Variants in DIAPH1 observed in about 807,000 individuals in gnomAD.
DIAPH1 encodes protein diaphanous homolog 1.
In DIAPH1, 46 loss-of-function variants were observed where a neutral mutation model predicts 140.7. The observed-to-expected ratio is 0.33, with a 90% CI of 0.26 to 0.42. The LOEUF (loss-of-function observed/expected upper bound fraction) is 0.42, where lower values mean the gene tolerates loss of function less well. Among genes scored for constraint, DIAPH1 ranks in the 10% least tolerant of loss-of-function variants. DIAPH1 has a pLI of 1.00. For synonymous variants in DIAPH1, 565 were observed against 551.6 expected, an observed-to-expected ratio of 1.02 and a Z score of -0.34; for missense variants, 1,310 against 1,558.7, an observed-to-expected ratio of 0.84 and a Z score of 2.69.
chr5:141,588,483 A>AG (rs1020764106), intron 1 of DIAPH1, among the ~76,000 whole-genome samples: 6 of 152,212 alleles, frequency 3.9e-5, no homozygotes, highest in Admixed American at 2.6e-4. Context: ...GAAAAAAAAA[A>AG]AAAAAAAGAA....
At chr5:141,557,607 A>G (rs895190666) in intron 18 of DIAPH1, 1 of 152,034 alleles carries the variant, frequency 6.6e-6, no homozygotes, top group Non-Finnish European at 1.5e-5. Context: ...TCCTATAATT[A>G]AGAAAACTGC....
intron 18 of DIAPH1, among the ~76,000 whole-genome samples, chr5:141,546,108 C>G (rs1490177445): frequency 2.0e-5 from 3 of 152,196 alleles, no homozygotes; most frequent in Non-Finnish European, 4.4e-5. Flanking sequence ...TGGGGCCGGG[C>G]ACAGTGGCTC....
rs1174667131 is a variant in DIAPH1 at position 141,528,541 on chromosome 5, TAAC to T, written c.3057_3059del (p.Leu1020del). 4 of 1,614,082 alleles carry T rather than the reference TAAC, an allele frequency of 2.5e-6. No individual in the cohort carries two copies. Among genetic ancestry groups the T allele is most frequent in the African/African-American group, 2.7e-5 (2 of 74,926 alleles). On this transcript the variant is annotated inframe_deletion, in exon 23 of 28. Coordinates refer to ENST00000389054, the MANE Select transcript of DIAPH1 (RefSeq NM_005219.5). ...TCTCACACAACTCAGCCAAGAAGTG[TAAC>T]AACGTCATCTTCTGATCTGTGGACT...
chr5:141,582,084 AAAAGAG>A, intron 7 of DIAPH1: 1 of 412,802 alleles, frequency 2.4e-6, no homozygotes, highest in East Asian at 4.4e-5. Context: ...AAAAAAAAAA[AAAAGAG>A]AGAGAAACAA....
At chr5:141,618,740 C>T (rs2099903119) in intron 1 of DIAPH1, 58 bp downstream of exon 1, 6 of 1,279,062 alleles carry the variant, frequency 4.7e-6, no homozygotes, top group Non-Finnish European at 6.6e-6. Context: ...GGGCCGGCTG[C>T]AGGGGTCCAG....
At chr5:141,523,991 C>A in intron 27 of DIAPH1, 152 bp downstream of exon 27, 1 of 749,190 alleles carries the variant, frequency 1.3e-6, no homozygotes, top group Non-Finnish European at 2.4e-6. Context: ...TACTCTGTAA[C>A]ATGGGAAGAA....
intron 18 of DIAPH1, among the ~76,000 whole-genome samples, chr5:141,554,780 T>A (rs1488403885): frequency 2.0e-5 from 3 of 152,108 alleles, no homozygotes; most frequent in African/African-American, 7.2e-5. Context: ...CAATTACAGA[T>A]TAAAGTAGAA....
At chr5:141,529,042 A>G in intron 21 of DIAPH1, 101 bp from the exon 22 acceptor site, 1 of 1,586,478 alleles carries the variant, frequency 6.3e-7, no homozygotes, top group East Asian at 2.2e-5. Flanking sequence ...GCTCCAGAGC[A>G]GGGAGAAGAG....
chr5:141,599,157 G>A lies in DIAPH1; in HGVS notation c.118-10907C>T, dbSNP rs374035100. On this transcript the variant is annotated intron_variant, in intron 1 of 27. Transcript: ENST00000389054. ...GTAGTTCTTAGCAGCAGAGAGGTTA[G>A]CAGGGATCTAAAAAGAGAGTATGAC... Among the ~76,000 whole-genome samples the A allele has an allele frequency of 1.1e-4, 17 of 152,318 alleles. No homozygotes were observed. In the East Asian group the frequency reaches 3.3e-3, roughly 29 times the overall value.
At chr5:141,551,544 G>C (rs184572912) in intron 18 of DIAPH1, among the ~76,000 whole-genome samples, 1 of 152,182 alleles carries the variant, frequency 6.6e-6, no homozygotes, top group Admixed American at 6.5e-5. Context: ...AGAGAGAAAA[G>C]GGTAAGACAA....
At chr5:141,596,948 A>G (rs978921449) in intron 1 of DIAPH1, among the ~76,000 whole-genome samples, 1 of 152,230 alleles carries the variant, frequency 6.6e-6, no homozygotes, top group Non-Finnish European at 1.5e-5. Flanking sequence ...ACAAACATTC[A>G]GAGGAAAAAG....
At position 141,576,205 on chromosome 5, in the gene DIAPH1, CAT is replaced by C. The variant is rs781653616; in HGVS notation, c.1461+23_1461+24del. On this transcript the variant is annotated intron_variant, in intron 14 of 27. Transcript: ENST00000389054. ...TCTCAAAGAAAGATATACTCAAACACATGTCTTTGGTCTCTCATATGCACCTT... is the reference window on the plus strand; with the variant it reads ...TCTCAAAGAAAGATATACTCAAACACGTCTTTGGTCTCTCATATGCACCTT... The C allele has an allele frequency of 1.3e-5, 20 of 1,540,050 alleles. No homozygotes were observed. In the African/African-American group the frequency reaches 1.6e-4, roughly 13 times the overall value.
chr5:141,561,315 T>C (rs895537550), intron 18 of DIAPH1, among the ~76,000 whole-genome samples: 2 of 151,976 alleles, frequency 1.3e-5, no homozygotes, highest in Non-Finnish European at 2.9e-5. Context: ...CCTTCTGTTA[T>C]ATCACTGGGG....
intron 1 of DIAPH1, among the ~76,000 whole-genome samples, chr5:141,602,190 T>C (rs1054139351): frequency 2.0e-5 from 3 of 152,136 alleles, no homozygotes; most frequent in African/African-American, 4.8e-5. Flanking sequence ...TCAGTTACCA[T>C]TGAGGCCTGA....
At chr5:141,562,372 C>T (rs2099893690) in intron 18 of DIAPH1, among the ~76,000 whole-genome samples, 1 of 151,878 alleles carries the variant, frequency 6.6e-6, no homozygotes, top group Admixed American at 6.5e-5. Flanking sequence ...GATATAGAAG[C>T]AAGGTATAGA....
At chr5:141,596,555 C>T (rs2154596975) in intron 1 of DIAPH1, among the ~76,000 whole-genome samples, 1 of 152,150 alleles carries the variant, frequency 6.6e-6, no homozygotes, top group South Asian at 2.1e-4. Flanking sequence ...AAAATAAACA[C>T]TGCAATTCAT....
In DIAPH1 at chr5:141,571,975, G is replaced by T. The variant is rs766731479; in HGVS notation, c.2424C>A (p.Asn808Lys). 63 of 1,614,078 alleles carry T rather than the reference G, an allele frequency of 3.9e-5. No individual in the cohort carries two copies. Among genetic ancestry groups the T allele is most frequent in the Non-Finnish European group, 5.2e-5 (61 of 1,180,032 alleles). ...GGGTAAGTTTGGCGAAAAGTTCATT[G>T]TTCTCAAAGCGGTCCTCCTTCACCT... ...WTKVKEDRFE[N>K]NELFAKLTLT... Residue 808 changes from asparagine to lysine, a missense_variant, in exon 17 of 28, where the codon AAC becomes AAA. Around this residue, in one of 3 missense-constraint regions of DIAPH1, gnomAD observed 589 missense variants for 549.3 expected, o/e 1.07. Transcript: ENST00000389054.
Position 141,601,793 on chromosome 5 carries a change from A to C in DIAPH1, c.118-13543T>G, listed in dbSNP as rs191779016. On this transcript the variant is annotated intron_variant, in intron 1 of 27. Coordinates refer to ENST00000389054, the MANE Select transcript of DIAPH1 (RefSeq NM_005219.5). ...TTCATTACTCTATTCAAATTGAGAA[A>C]AGTAAGGAAAAGTTTCAATTCAAGG... Among the ~76,000 whole-genome samples the C allele has an allele frequency of 1.9e-3, 290 of 152,334 alleles. 1 individual carries two copies. Among genetic ancestry groups the C allele is most frequent in the Non-Finnish European group, 3.5e-3 (235 of 68,022 alleles).
chr5:141,596,137 G>A (rs1011622833), intron 1 of DIAPH1, among the ~76,000 whole-genome samples: 3 of 152,166 alleles, frequency 2.0e-5, no homozygotes, highest in African/African-American at 7.2e-5. Flanking sequence ...AGACCATCCT[G>A]GCTAACACAG....
Sources: allele counts gnomAD v4.1 joint callset (sites outside exome capture counted in the v4.1 genomes callset), GRCh38; gene constraint gnomAD v4.1.1; regional missense constraint gnomAD v4.1.1; transcripts MANE v1.5; gene names NCBI Gene and HGNC (gene_info 2026-07-23, HGNC 2026-07-21).